PELO: variants seen among roughly 807,000 people sequenced by gnomAD.
PELO encodes the protein protein pelota homolog.
Under a neutral mutation model 25.9 loss-of-function variants are expected in PELO, and 19 were observed. The observed-to-expected ratio is 0.73, with a 90% CI of 0.51 to 1.08. PELO has a LOEUF of 1.08. Among genes scored for constraint, PELO ranks in the 50% least tolerant of loss-of-function variants. PELO has a pLI of 0.00. For synonymous variants in PELO, 196 were observed against 192.2 expected (o/e 1.02, Z -0.16); for missense variants, 498 against 491.4 (o/e 1.01, Z -0.13).
In PELO at chr5:52,788,245, C is replaced by A; in HGVS notation, c.-680C>A. On this transcript the variant is annotated 5_prime_UTR_variant, in exon 1 of 3. In the 5' UTR this introduces an upstream ATG that the reference lacks. Coordinates refer to ENST00000274311, the MANE Select transcript of PELO (RefSeq NM_015946.5). Reference sequence around the variant, plus strand: ...GCGCCGCTGCCACTGGGGCAGAGGACTGGGAACCGCGGCAGCGGGATAAGT... The same window carrying A: ...GCGCCGCTGCCACTGGGGCAGAGGAATGGGAACCGCGGCAGCGGGATAAGT... 2 of 844,196 alleles carry A rather than the reference C, an allele frequency of 2.4e-6. No homozygotes were observed. Among genetic ancestry groups the A allele is most frequent in the Non-Finnish European group, 3.4e-6 (2 of 590,532 alleles). The allele number at this position is 844,196 out of a possible 1,614,324, so 52.3% of individuals were successfully genotyped here. A position where few individuals can be genotyped will look rare whatever the true frequency, so the allele number is the denominator to read the frequency against.
In PELO at chr5:52,801,594, A is replaced by C. The variant is rs140897877; in HGVS notation, c.912A>C (p.Glu304Asp). ...YGLKQVEKAN[E>D]AMAIDTLLIS... is the part of the protein sequence containing the mutation. The stretch of plus-strand genomic sequence containing the variant: ...TCAAGCAGGTGGAGAAGGCCAATGA[A>C]GCCATGGCAATTGACACATTGCTCA... Residue 304 changes from glutamate (E) to aspartate (D), a missense_variant, in exon 3 of 3, where the codon GAA becomes GAC. Physicochemically the swap from Glu to Asp is conservative, Grantham distance 45. Transcript: ENST00000274311. The C allele has an allele frequency of 1.2e-6, 2 of 1,614,050 alleles. No individual in the cohort carries two copies. The highest frequency in any genetic ancestry group is 1.7e-6 in the Non-Finnish European group (2 of 1,179,892).
rs554934628 is a variant in PELO, at chr5:52,800,432, C to T, written c.38C>T (p.Ala13Val). ...LVRKNIEKDN[A>V]GQVTLVPEEP... ...AGGAAGAACATCGAGAAGGACAATG[C>T]GGGCCAGGTGACCCTGGTCCCCGAG... Residue 13 changes from alanine (A) to valine (V), a missense_variant, in exon 2 of 3, where the codon GCG becomes GTG. Physicochemically the swap from Ala to Val is moderately conservative, Grantham distance 64. Coordinates refer to ENST00000274311, the MANE Select transcript of PELO (RefSeq NM_015946.5). The T allele has an allele frequency of 5.2e-5, 84 of 1,613,918 alleles. 3 individuals are homozygous for T. In the South Asian group the frequency reaches 7.6e-4, roughly 15 times the overall value.
chr5:52,800,441 T>G lies in PELO; in HGVS notation c.47T>G (p.Val16Gly), dbSNP rs1209506568. 1.2e-6 allele frequency: 2 copies of G among 1,613,880 alleles called. No homozygotes were observed. Among genetic ancestry groups the G allele is most frequent in the Non-Finnish European group, 1.7e-6 (2 of 1,179,920 alleles). ...KNIEKDNAGQ[V>G]TLVPEEPEDM... Reference sequence around the variant, plus strand: ...ATCGAGAAGGACAATGCGGGCCAGGTGACCCTGGTCCCCGAGGAGCCTGAG... The same window carrying G: ...ATCGAGAAGGACAATGCGGGCCAGGGGACCCTGGTCCCCGAGGAGCCTGAG... The change falls in exon 2 of 3, where the codon GTG (valine) becomes GGG (glycine). Residue 16 changes from valine to glycine, a missense_variant. Physicochemically the swap from Val to Gly is moderately radical, Grantham distance 109 (BLOSUM62 -3). Coordinates refer to ENST00000274311, the MANE Select transcript of PELO (RefSeq NM_015946.5).
At chr5:52,792,965 T>C (rs552468506) in intron 1 of PELO, among the ~76,000 whole-genome samples, 3 of 152,288 alleles carry the variant, frequency 2.0e-5, no homozygotes, top group Non-Finnish European at 2.9e-5. Context: ...TTCAAGATTA[T>C]TGAGCTTCTT....
In PELO at chr5:52,788,374, C is replaced by G. The variant is rs1238986677; in HGVS notation, c.-551C>G. 3 of 1,512,726 alleles carry G rather than the reference C, an allele frequency of 2.0e-6. No individual in the cohort carries two copies. Among genetic ancestry groups the G allele is most frequent in the African/African-American group, 1.4e-5 (1 of 69,542 alleles). The allele number at this position is 1,512,726 out of a possible 1,614,324, so 93.7% of individuals were successfully genotyped here. A position where few individuals can be genotyped will look rare whatever the true frequency, so the allele number is the denominator to read the frequency against. On this transcript the variant is annotated 5_prime_UTR_variant, in exon 1 of 3. Coordinates refer to ENST00000274311, the MANE Select transcript of PELO (RefSeq NM_015946.5). ...CGGCCATGGCCCCTCGGCCCCGCGC[C>G]CGCCCAGGGGTCGCTGTCGCCTGCT...
At chr5:52,798,506 C>T (rs184868863) in intron 1 of PELO, among the ~76,000 whole-genome samples, 126 of 152,126 alleles carry the variant, frequency 8.3e-4, no homozygotes, top group Non-Finnish European at 1.2e-3. Flanking sequence ...AAATTAAGGA[C>T]GTGCGCGGGG....
rs773751186 is a variant in PELO at position 52,800,567 on chromosome 5, G to T, written c.173G>T (p.Ser58Ile). The T allele has an allele frequency of 6.2e-7, 1 of 1,613,612 alleles. No homozygotes were observed. The highest frequency in any genetic ancestry group is 1.1e-5 in the South Asian group (1 of 91,030). The change falls in exon 2 of 3, where the codon AGC becomes ATC. Residue 58 changes from serine (S) to isoleucine (I), a missense_variant. Ser to Ile is a moderately radical substitution (Grantham distance 142). Coordinates refer to ENST00000274311, the MANE Select transcript of PELO (RefSeq NM_015946.5). Reference sequence around the variant, plus strand: ...GAGTCCTCCACGGGCAGCGTGGGCAGCAACCGGGTCCGCACTACCCTCACT... The same window carrying T: ...GAGTCCTCCACGGGCAGCGTGGGCATCAACCGGGTCCGCACTACCCTCACT... ...QTESSTGSVG[S>I]NRVRTTLTLC...
chr5:52,789,849 C>T (rs1016383721), intron 1 of PELO, among the ~76,000 whole-genome samples: 3 of 152,090 alleles, frequency 2.0e-5, no homozygotes, highest in African/African-American at 4.8e-5. Context: ...ATGAGGTTTG[C>T]GTATCCTCTA....
At position 52,801,865 on chromosome 5, in the gene PELO, A is replaced by C; in HGVS notation, c.*25A>C. On this transcript the variant is annotated 3_prime_UTR_variant, in exon 3 of 3. Transcript: ENST00000274311. ...ATGATTGAAACTTAAAATTGAGACA[A>C]TCTTGTGTTTCCTAAACTGTTACAG... The C allele has an allele frequency of 6.6e-7, 1 of 1,511,780 alleles. No homozygotes were observed. The highest frequency in any genetic ancestry group is 1.4e-5 in the African/African-American group (1 of 72,726). The allele number at this position is 1,511,780 out of a possible 1,614,324, so 93.6% of individuals were successfully genotyped here.
At chr5:52,792,746 A>G (rs1389674325) in intron 1 of PELO, among the ~76,000 whole-genome samples, 1 of 152,118 alleles carries the variant, frequency 6.6e-6, no homozygotes, top group East Asian at 1.9e-4. Flanking sequence ...CTTTACCTAC[A>G]CTTCTCTTCT....
At chr5:52,794,228 A>G (rs1220848129) in intron 1 of PELO, among the ~76,000 whole-genome samples, 2 of 151,954 alleles carry the variant, frequency 1.3e-5, no homozygotes, top group African/African-American at 4.8e-5. Flanking sequence ...AAATAAATGC[A>G]AATTCTTAAA....
In PELO at chr5:52,801,590, AT is replaced by A. The variant is rs1561212281; in HGVS notation, c.909del (p.Asn303LysfsTer21). On this transcript the variant is annotated frameshift_variant, in exon 3 of 3. Transcript: ENST00000274311. LOFTEE classifies it high-confidence loss of function. ...FYGLKQVEKANEAMAIDTLLI... is the reference protein window; with the variant it reads ...FYGLKQVEKAXEAMAIDTLLI... ...GGACTCAAGCAGGTGGAGAAGGCCA[AT>A]GAAGCCATGGCAATTGACACATTGC... The A allele has an allele frequency of 6.2e-7, 1 of 1,614,124 alleles. No homozygotes were observed. The highest frequency in any genetic ancestry group is 1.1e-5 in the South Asian group (1 of 91,078).
intron 1 of PELO, among the ~76,000 whole-genome samples, chr5:52,789,256 G>A (rs1306151449): frequency 6.6e-6 from 1 of 152,022 alleles, no homozygotes; most frequent in East Asian, 1.9e-4. Context: ...AATGGAAGAA[G>A]GTGGGGGGAA....
rs1379965891 is a variant in PELO at position 52,802,333 on chromosome 5, A to T, written c.*493A>T. 6.6e-6 allele frequency: 1 copy of T among 152,282 alleles called. No individual in the cohort carries two copies. The highest frequency in any genetic ancestry group is 2.4e-5 in the African/African-American group (1 of 41,434). The allele number at this position is 152,282 out of a possible 1,614,324, so 9.4% of individuals were successfully genotyped here. A position where few individuals can be genotyped will look rare whatever the true frequency, so the allele number is the denominator to read the frequency against. Reference sequence around the variant, plus strand: ...CACACTACATTTTTTTTAGATTTAAATAGTTTTACTATTTTAAATGATTGC... The same window carrying T: ...CACACTACATTTTTTTTAGATTTAATTAGTTTTACTATTTTAAATGATTGC... On this transcript the variant is annotated 3_prime_UTR_variant, in exon 3 of 3. Transcript: ENST00000274311.
chr5:52,794,536 C>CACAG (rs1748303126), intron 1 of PELO, among the ~76,000 whole-genome samples: 1 of 149,658 alleles, frequency 6.7e-6, no homozygotes, highest in African/African-American at 2.5e-5. Context: ...CACACACACA[C>CACAG]TTCTGTTCAT....
In PELO at chr5:52,800,598, C is replaced by T. The variant is rs1433661725; in HGVS notation, c.204C>T (p.Cys68=). 2 of 1,613,342 alleles carry T rather than the reference C, an allele frequency of 1.2e-6. No individual in the cohort carries two copies. Among genetic ancestry groups the T allele is most frequent in the Admixed American group, 3.3e-5 (2 of 59,948 alleles). The change falls in exon 2 of 3, where the codon TGC becomes TGT. Residue 68 remains cysteine, a synonymous_variant. Coordinates refer to ENST00000274311, the MANE Select transcript of PELO (RefSeq NM_015946.5). ...SNRVRTTLTL[C]VEAIDFDSQA... is the part of the protein sequence containing the mutation. The stretch of plus-strand genomic sequence containing the variant: ...GGGTCCGCACTACCCTCACTCTCTG[C>T]GTGGAGGCCATCGACTTCGACTCTC...
chr5:52,797,787 A>G (rs1169742350), intron 1 of PELO, among the ~76,000 whole-genome samples: 1 of 152,226 alleles, frequency 6.6e-6, no homozygotes, highest in Non-Finnish European at 1.5e-5. Context: ...ATTTTCTTCT[A>G]TAAAATTAGG....
At chr5:52,788,469 G>A in intron 1 of PELO, 55 bp downstream of exon 1, 1 of 1,384,606 alleles carries the variant, frequency 7.2e-7, no homozygotes. Flanking sequence ...GGGGCTTGGA[G>A]CGGGGAGGGA....
Position 52,788,369 on chromosome 5 carries a change from C to A in PELO, c.-556C>A, listed in dbSNP as rs772065571. On this transcript the variant is annotated 5_prime_UTR_variant, in exon 1 of 3. Coordinates refer to ENST00000274311, the MANE Select transcript of PELO (RefSeq NM_015946.5). ...TGCTCCGGCCATGGCCCCTCGGCCC[C>A]GCGCCCGCCCAGGGGTCGCTGTCGC... The A allele has an allele frequency of 6.6e-7, 1 of 1,511,758 alleles. No individual in the cohort carries two copies. Among genetic ancestry groups the A allele is most frequent in the South Asian group, 1.2e-5 (1 of 81,334 alleles). The allele number at this position is 1,511,758 out of a possible 1,614,324, so 93.6% of individuals were successfully genotyped here.
Sources: gnomAD v4.1 joint callset for allele counts (sites outside exome capture counted in the v4.1 genomes callset) on GRCh38, gnomAD v4.1.1 for gene constraint, MANE v1.5 for transcripts, NCBI Gene and HGNC (gene_info 2026-07-23, HGNC 2026-07-21) for gene names.